Variants in SHC3 observed in about 807,000 individuals in gnomAD.
SHC3 encodes the protein SHC-transforming protein 3.
In SHC3, 15 loss-of-function variants were observed where a neutral mutation model predicts 60.4. That is an observed-to-expected ratio of 0.25 (90% CI 0.17 to 0.38). SHC3 has a LOEUF of 0.38. Ranked by LOEUF, SHC3 falls within the 10% of genes least tolerant of loss-of-function variation. The pLI, the probability that SHC3 is intolerant of heterozygous loss-of-function variation, is 1.00. For missense variants in SHC3, 677 were observed against 786.1 expected (o/e 0.86, Z 1.66); for synonymous variants, 294 against 325.9 (o/e 0.90, Z 1.05).
intron 1 of SHC3, among the ~76,000 whole-genome samples, chr9:89,149,738 A>T (rs1331185): frequency 0.25 from 38,594 of 152,106 alleles, 5,219 homozygotes; most frequent in African/African-American, 0.33. Context: ...TATACAGTAG[A>T]TCCCCCTTAT....
intron 1 of SHC3, among the ~76,000 whole-genome samples, chr9:89,148,051 A>C (rs1826495514): frequency 1.3e-5 from 2 of 152,236 alleles, no homozygotes; most frequent in South Asian, 4.1e-4. Context: ...ACCCCTAGTG[A>C]GTAGGACTGG....
intron 2 of SHC3, among the ~76,000 whole-genome samples, chr9:89,097,880 A>C (rs1825728633): frequency 6.6e-6 from 1 of 152,262 alleles, no homozygotes; most frequent in Non-Finnish European, 1.5e-5. Context: ...TTTAATGATG[A>C]GAAAATGCTT....
chr9:89,131,734 A>G (rs1826247825), intron 1 of SHC3, among the ~76,000 whole-genome samples: 2 of 152,184 alleles, frequency 1.3e-5, no homozygotes, highest in African/African-American at 4.8e-5. Flanking sequence ...ACTCTCAATA[A>G]ACTAGGTATT....
At chr9:89,015,872 C>T (rs1308038378) in intron 11 of SHC3, among the ~76,000 whole-genome samples, 3 of 152,156 alleles carry the variant, frequency 2.0e-5, no homozygotes, top group Non-Finnish European at 2.9e-5. Context: ...AGTCAGGCTA[C>T]AGAAGAGACT....
rs574185917 is a variant in SHC3, at chr9:89,109,363, G to T, written c.545+3193C>A. The stretch of plus-strand genomic sequence containing the variant: ...CTCCCTTTCAGGAAGTCCAGCGAGG[G>T]TGCACACCCAGGCTCATGCACACAG... On this transcript the variant is annotated intron_variant, in intron 2 of 11. Transcript: ENST00000375835. 5.2e-6 allele frequency: 5 copies of T among 958,832 alleles called. No individual in the cohort carries two copies. In the African/African-American group the frequency reaches 8.8e-5, roughly 17 times the overall value. The allele number at this position is 958,832 out of a possible 1,614,324, so 59.4% of individuals were successfully genotyped here.
At chr9:89,019,284 G>A (rs1187923937) in intron 11 of SHC3, among the ~76,000 whole-genome samples, 1 of 151,972 alleles carries the variant, frequency 6.6e-6, no homozygotes, top group Non-Finnish European at 1.5e-5. Flanking sequence ...CCATTTTTAG[G>A]TAGAAGTCTC....
intron 2 of SHC3, among the ~76,000 whole-genome samples, chr9:89,096,849 A>G (rs1825710248): frequency 6.6e-6 from 1 of 152,198 alleles, no homozygotes; most frequent in South Asian, 2.1e-4. Flanking sequence ...GACCATGCCA[A>G]GATGGGGAAG....
At chr9:89,147,097 A>G (rs925828601) in intron 1 of SHC3, among the ~76,000 whole-genome samples, 5 of 152,176 alleles carry the variant, frequency 3.3e-5, no homozygotes, top group African/African-American at 1.2e-4. Flanking sequence ...ATGAAATATA[A>G]TATCGCATAG....
intron 11 of SHC3, among the ~76,000 whole-genome samples, chr9:89,017,535 C>A (rs1826117415): frequency 6.6e-6 from 1 of 152,052 alleles, no homozygotes; most frequent in South Asian, 2.1e-4. Flanking sequence ...GACCTAAAAC[C>A]ATAAAAACCC....
chr9:89,163,352 C>T (rs575167031), intron 1 of SHC3, among the ~76,000 whole-genome samples: 27 of 152,064 alleles, frequency 1.8e-4, no homozygotes, highest in African/African-American at 6.0e-4. Flanking sequence ...CCCAAATGTC[C>T]AACAATGATA....
At position 89,086,870 on chromosome 9, in the gene SHC3, C is replaced by G. The variant is rs575260657; in HGVS notation, c.546-8967G>C. ...ATTTCACAGTACACAGTATCCATAT[C>G]AAAGCTGCTTGTGCATGTTATCTTT... On this transcript the variant is annotated intron_variant, in intron 2 of 11. Coordinates refer to ENST00000375835, the MANE Select transcript of SHC3 (RefSeq NM_016848.6). Among the ~76,000 whole-genome samples the G allele has an allele frequency of 6.6e-5, 10 of 152,336 alleles. No individual in the cohort carries two copies. The South Asian group carries it at 1.9e-3, about 28-fold the overall frequency.
chr9:89,015,910 A>C (rs1355067810), intron 11 of SHC3, among the ~76,000 whole-genome samples: 1 of 152,252 alleles, frequency 6.6e-6, no homozygotes, highest in Non-Finnish European at 1.5e-5. Flanking sequence ...GAAATTAAGA[A>C]AAGTCTAAAA....
intron 1 of SHC3, among the ~76,000 whole-genome samples, chr9:89,147,773 G>T (rs548847311): frequency 2.0e-3 from 311 of 151,834 alleles, no homozygotes; most frequent in African/African-American, 7.2e-3. Flanking sequence ...AAGCTTTAAG[G>T]CTCTCTGGTG....
intron 1 of SHC3, among the ~76,000 whole-genome samples, chr9:89,168,228 G>T (rs1826818425): frequency 6.6e-6 from 1 of 152,222 alleles, no homozygotes; most frequent in African/African-American, 2.4e-5. Context: ...CACTTTGGGA[G>T]GCTGAGGCAG....
chr9:89,141,958 T>C (rs1460562877), intron 1 of SHC3, among the ~76,000 whole-genome samples: 2 of 152,092 alleles, frequency 1.3e-5, no homozygotes, highest in African/African-American at 4.8e-5. Flanking sequence ...CATTTGTCGG[T>C]CATAGGAGGG....
rs116588534 is a variant in SHC3, at chr9:89,018,191, C to T, written c.1657-4616G>A. 9.5e-3 allele frequency among the ~76,000 whole-genome samples: 1,442 copies of T among 152,296 alleles called. 12 individuals are homozygous for T. Among genetic ancestry groups the T allele is most frequent in the African/African-American group, 0.033 (1,372 of 41,556 alleles). On this transcript the variant is annotated intron_variant, in intron 11 of 11. Coordinates refer to ENST00000375835, the MANE Select transcript of SHC3 (RefSeq NM_016848.6). ...ATTCTACTAAAAAGACCCATGCACA[C>T]GTGCGTTTATTGCAGCACTGTTCAC...
chr9:89,030,178 T>C (rs1038993284), intron 11 of SHC3, among the ~76,000 whole-genome samples: 1 of 152,092 alleles, frequency 6.6e-6, no homozygotes, highest in Non-Finnish European at 1.5e-5. Flanking sequence ...ATCAGGGAGA[T>C]ACAAAAGTTA....
Position 89,127,183 on chromosome 9 carries a change from G to A in SHC3, c.475-14557C>T, listed in dbSNP as rs532109450. 5.9e-5 allele frequency among the ~76,000 whole-genome samples: 9 copies of A among 152,018 alleles called. No individual in the cohort carries two copies. The South Asian group carries it at 6.2e-4, about 11-fold the overall frequency. ...CTGGCTTAAGAAATGAGTCCTTTCTGGTTTGATATCTGTGTGACCTTTGTC... is the reference window on the plus strand; with the variant it reads ...CTGGCTTAAGAAATGAGTCCTTTCTAGTTTGATATCTGTGTGACCTTTGTC... On this transcript the variant is annotated intron_variant, in intron 1 of 11. Transcript: ENST00000375835.
chr9:89,094,456 A>G (rs1825670591), intron 2 of SHC3, among the ~76,000 whole-genome samples: 2 of 152,236 alleles, frequency 1.3e-5, no homozygotes, highest in Non-Finnish European at 2.9e-5. Flanking sequence ...AAAGAAGAGC[A>G]CGCACAATTT....
Sources: allele counts gnomAD v4.1 joint callset (sites outside exome capture counted in the v4.1 genomes callset), GRCh38; gene constraint gnomAD v4.1.1; transcripts MANE v1.5; gene names NCBI Gene and HGNC (gene_info 2026-07-23, HGNC 2026-07-21).